Variants in ADAM19 observed in about 807,000 individuals in gnomAD.
The protein encoded by ADAM19 is ADAM metallopeptidase domain 19.
Under a neutral mutation model 114.7 loss-of-function variants are expected in ADAM19, and 65 were observed. The ratio of observed to expected loss-of-function variants is 0.57; its 90% CI spans 0.46 to 0.70. ADAM19 has a LOEUF of 0.70. ADAM19 is among the 30% of genes least tolerant of loss of function. The probability of loss-of-function intolerance (pLI) is 0.00; values close to 1 mark genes in which losing one functional copy is unlikely to be tolerated. For synonymous variants in ADAM19, 466 were observed against 460.5 expected (o/e 1.01, Z -0.15); for missense variants, 1,063 against 1,204.7 (o/e 0.88, Z 1.74).
intron 3 of ADAM19, among the ~76,000 whole-genome samples, chr5:157,541,153 G>A (rs1229280779): frequency 6.6e-6 from 1 of 152,118 alleles, no homozygotes; most frequent in Non-Finnish European, 1.5e-5. Flanking sequence ...TCACTGAGCA[G>A]CCCGGCCCAG....
rs576180591 is a variant in ADAM19, at chr5:157,550,288, G to A, written c.252-12297C>T. 3.3e-5 allele frequency among the ~76,000 whole-genome samples: 5 copies of A among 152,238 alleles called. No homozygotes were observed. In the South Asian group the frequency reaches 8.3e-4, roughly 25 times the overall value. On this transcript the variant is annotated intron_variant, in intron 3 of 22. Coordinates refer to ENST00000257527, the MANE Select transcript of ADAM19 (RefSeq NM_033274.5). ...TCTCTCCTGGCTTCTGAGTTCCTTC[G>A]CCTGTGGTGGCATAACTCTAATCTT...
intron 6 of ADAM19, 132 bp from the exon 7 acceptor site, chr5:157,519,020 A>G (rs1306811183): frequency 2.6e-6 from 2 of 759,942 alleles, no homozygotes; most frequent in Non-Finnish European, 4.5e-6. Flanking sequence ...GGCACTAGAG[A>G]TGTTCTTGGC....
intron 5 of ADAM19, 97 bp from the exon 6 acceptor site, chr5:157,520,128 T>C (rs910496752): frequency 4.8e-6 from 6 of 1,243,530 alleles, no homozygotes; most frequent in Non-Finnish European, 5.6e-6. Context: ...AATGACATAG[T>C]GGGTTTTGAT....
chr5:157,502,688 T>A (rs1755607260), intron 12 of ADAM19, 115 bp downstream of exon 12: 1 of 1,162,780 alleles, frequency 8.6e-7, no homozygotes, highest in African/African-American at 1.5e-5. Flanking sequence ...TATTGGACAG[T>A]TATATGTAGG....
At position 157,524,408 on chromosome 5, in the gene ADAM19, C is replaced by T. The variant is rs989989504; in HGVS notation, c.408-4377G>A. On this transcript the variant is annotated intron_variant, in intron 5 of 22. Coordinates refer to ENST00000257527, the MANE Select transcript of ADAM19 (RefSeq NM_033274.5). ...ATAGGAAAACCCGGGCAGGCCAGGC[C>T]AGGCAGGCACCAAGCAATTCATGCC... 5.9e-5 allele frequency among the ~76,000 whole-genome samples: 9 copies of T among 152,304 alleles called. No individual in the cohort carries two copies. In the South Asian group the frequency reaches 1.5e-3, roughly 25 times the overall value.
intron 21 of ADAM19, 79 bp from the exon 22 acceptor site, chr5:157,482,022 A>G: frequency 8.5e-7 from 1 of 1,179,934 alleles, no homozygotes; most frequent in Non-Finnish European, 1.2e-6. Context: ...TTACAGGTTA[A>G]AATCAGATAG....
intron 15 of ADAM19, 77 bp from the exon 16 acceptor site, chr5:157,493,254 C>T: frequency 4.0e-6 from 6 of 1,514,932 alleles, no homozygotes; most frequent in Non-Finnish European, 5.4e-6. Flanking sequence ...GAGCTTCAGT[C>T]TTTCTTGATC....
intron 5 of ADAM19, among the ~76,000 whole-genome samples, chr5:157,528,674 C>T (rs1195724071): frequency 6.6e-6 from 1 of 152,178 alleles, no homozygotes; most frequent in African/African-American, 2.4e-5. Context: ...TAAACAGACA[C>T]TTGGGACCTG....
At chr5:157,512,721 C>T (rs529473254) in intron 8 of ADAM19, among the ~76,000 whole-genome samples, 2 of 152,368 alleles carry the variant, frequency 1.3e-5, no homozygotes, top group East Asian at 1.9e-4. Context: ...AAGTTAACCA[C>T]TGCACATCCT....
At chr5:157,566,398 A>AAT (rs1412937116) in intron 2 of ADAM19, 1 of 152,218 alleles carries the variant, frequency 6.6e-6, no homozygotes, top group African/African-American at 2.4e-5. Flanking sequence ...TGGGATCATG[A>AAT]GTTAATTTTG....
Position 157,478,290 on chromosome 5 carries a change from CAAAAAAAAAAAAA to C in ADAM19, c.*2646_*2658del, listed in dbSNP as rs36056270. The C allele has an allele frequency of 1.2e-4, 8 of 69,428 alleles. No individual in the cohort carries two copies. The highest frequency in any genetic ancestry group is 9.1e-4 in the Admixed American group (5 of 5,500). 4.3% of individuals were successfully genotyped at this position (69,428 alleles called of 1,614,324 possible). On this transcript the variant is annotated 3_prime_UTR_variant, in exon 23 of 23. Coordinates refer to ENST00000257527, the MANE Select transcript of ADAM19 (RefSeq NM_033274.5). The stretch of plus-strand genomic sequence containing the variant: ...CAGCAAACAGCCCCTCCCCTGGAGA[CAAAAAAAAAAAAA>C]AAAAAAAAAAGGCTGGGCACAACGT...
chr5:157,554,187 A>G (rs1757282009), intron 3 of ADAM19, among the ~76,000 whole-genome samples: 1 of 152,212 alleles, frequency 6.6e-6, no homozygotes, highest in African/African-American at 2.4e-5. Context: ...CAGCCTGATG[A>G]TAAAGGGGTC....
intron 21 of ADAM19, among the ~76,000 whole-genome samples, chr5:157,483,431 T>A (rs1479280557): frequency 6.6e-6 from 1 of 151,900 alleles, no homozygotes; most frequent in Non-Finnish European, 1.5e-5. Context: ...AAGAATGAAG[T>A]AGGTTGATAG....
intron 11 of ADAM19, 23 bp downstream of exon 11, chr5:157,505,646 C>T (rs747860957): frequency 2.5e-6 from 4 of 1,612,164 alleles, no homozygotes; most frequent in Non-Finnish European, 2.5e-6. Context: ...CCTCCCCATC[C>T]TCCCTCTTGC....
At chr5:157,534,574 CT>C (rs1409774658) in intron 4 of ADAM19, among the ~76,000 whole-genome samples, 1 of 152,186 alleles carries the variant, frequency 6.6e-6, no homozygotes, top group African/African-American at 2.4e-5. Context: ...AAGAGGATCA[CT>C]TGAAGCTAGG....
intron 3 of ADAM19, among the ~76,000 whole-genome samples, chr5:157,559,660 G>A (rs1286960056): frequency 2.0e-5 from 3 of 152,180 alleles, no homozygotes; most frequent in African/African-American, 7.2e-5. Flanking sequence ...TGGGTTCCTG[G>A]GTTGGTGAGG....
intron 3 of ADAM19, among the ~76,000 whole-genome samples, chr5:157,553,201 C>G (rs1334692798): frequency 6.6e-6 from 1 of 152,162 alleles, no homozygotes; most frequent in Non-Finnish European, 1.5e-5. Context: ...GTTTGCAATG[C>G]AACGGATAAA....
chr5:157,497,014 G>T lies in ADAM19; in HGVS notation c.1474C>A (p.Pro492Thr). The T allele has an allele frequency of 6.3e-7, 1 of 1,595,388 alleles. No individual in the cohort carries two copies. Among genetic ancestry groups the T allele is most frequent in the Non-Finnish European group, 8.5e-7 (1 of 1,172,150 alleles). The stretch of plus-strand genomic sequence containing the variant: ...TGGTAGAAGTTGGTAGGGCAGTGGG[G>T]AGACTTGCCCGTACAGAACTCCGGG... ...DLPEFCTGKS[P>T]HCPTNFYQMD... The change falls in exon 14 of 23, where the codon CCC (proline) becomes ACC (threonine). Residue 492 changes from proline to threonine, a missense_variant. By Grantham distance (38) the Pro-to-Thr change is conservative (BLOSUM62 -1). Around this residue, in one of 3 missense-constraint regions of ADAM19, gnomAD observed 615 missense variants for 706.3 expected, o/e 0.87. Coordinates refer to ENST00000257527, the MANE Select transcript of ADAM19 (RefSeq NM_033274.5).
intron 10 of ADAM19, among the ~76,000 whole-genome samples, chr5:157,506,782 T>C (rs1755754509): frequency 6.6e-6 from 1 of 152,174 alleles, no homozygotes; most frequent in Non-Finnish European, 1.5e-5. Context: ...CAGCCCCTGG[T>C]TTGGAACATA....
Sources: gnomAD v4.1 joint callset for allele counts (sites outside exome capture counted in the v4.1 genomes callset) on GRCh38, gnomAD v4.1.1 for gene constraint, gnomAD v4.1.1 regional missense constraint, MANE v1.5 for transcripts, NCBI Gene and HGNC (gene_info 2026-07-23, HGNC 2026-07-21) for gene names.